GTF2IRD1: variants seen among roughly 807,000 people sequenced by gnomAD.
GTF2IRD1 encodes the protein GTF2I repeat domain containing 1.
A neutral mutation model predicts 113.2 loss-of-function variants in GTF2IRD1; 26 were observed. The observed-to-expected ratio is 0.23, with a 90% CI of 0.17 to 0.32. GTF2IRD1 has a LOEUF of 0.32. Among genes scored for constraint, GTF2IRD1 ranks in the 10% least tolerant of loss-of-function variants. GTF2IRD1 has a pLI of 1.00. For synonymous variants in GTF2IRD1, 484 were observed against 529.1 expected (o/e 0.91, Z 1.17); for missense variants, 864 against 1,280.8 (o/e 0.67, Z 4.97).
At chr7:74,601,380 C>T in intron 26 of GTF2IRD1, 200 bp downstream of exon 26, 2 of 1,509,362 alleles carry the variant, frequency 1.3e-6, no homozygotes, top group African/African-American at 2.8e-5. Flanking sequence ...GTGGGGTACT[C>T]ACAGGCACTC....
intron 1 of GTF2IRD1, among the ~76,000 whole-genome samples, chr7:74,471,902 G>A (rs1794134097): frequency 6.6e-6 from 1 of 152,112 alleles, no homozygotes; most frequent in African/African-American, 2.4e-5. Flanking sequence ...TGAGGCAGGA[G>A]AATTGCTTGA....
intron 22 of GTF2IRD1, among the ~76,000 whole-genome samples, chr7:74,566,562 G>A (rs1278422844): frequency 2.6e-5 from 4 of 152,094 alleles, no homozygotes; most frequent in South Asian, 4.1e-4. Flanking sequence ...GGCTGGTCTC[G>A]AACTCCTGAC....
At chr7:74,591,412 T>TCTC (rs1471519109) in intron 24 of GTF2IRD1, among the ~76,000 whole-genome samples, 1 of 143,988 alleles carries the variant, frequency 6.9e-6, no homozygotes, top group African/African-American at 2.6e-5. Context: ...AGAGTCTTGC[T>TCTC]CTGTCACCCA....
intron 15 of GTF2IRD1, 105 bp from the exon 16 acceptor site, chr7:74,545,639 A>G (rs1583848468): frequency 1.6e-6 from 1 of 612,050 alleles, no homozygotes; most frequent in African/African-American, 2.0e-5. Flanking sequence ...GCCTTCCCCC[A>G]TTCCAAGATC....
intron 2 of GTF2IRD1, among the ~76,000 whole-genome samples, chr7:74,510,519 G>C (rs925031763): frequency 2.0e-5 from 3 of 151,320 alleles, no homozygotes; most frequent in Non-Finnish European, 4.4e-5. Context: ...ATGTTGGCCA[G>C]GCTGGTCTCA....
At chr7:74,543,984 G>A (rs1554352462) in intron 14 of GTF2IRD1, among the ~76,000 whole-genome samples, 1 of 151,998 alleles carries the variant, frequency 6.6e-6, no homozygotes. Flanking sequence ...AAGAGGTTGA[G>A]GCTGTAGTGA....
intron 22 of GTF2IRD1, among the ~76,000 whole-genome samples, chr7:74,561,399 C>G (rs1554359048): frequency 6.8e-6 from 1 of 147,180 alleles, no homozygotes; most frequent in African/African-American, 2.5e-5. Context: ...CGGCTGCTGA[C>G]AGGCCACGGG....
chr7:74,518,337 C>CG lies in GTF2IRD1; in HGVS notation c.605+17dup. The CG allele has an allele frequency of 1.3e-6, 2 of 1,565,398 alleles. No homozygotes were observed. Among genetic ancestry groups the CG allele is most frequent in the South Asian group, 2.3e-5 (2 of 86,954 alleles). On this transcript the variant is annotated intron_variant, in intron 5 of 26. Transcript: ENST00000424337. ...AAGCTCAAGAGGTGAGTGAGGTAGC[C>CG]GGCCCGGGGCTGGGCTGGGGCTGGG...
At chr7:74,507,472 G>A (rs782324159) in intron 1 of GTF2IRD1, 3 of 152,200 alleles carry the variant, frequency 2.0e-5, no homozygotes, top group Admixed American at 6.6e-5. Context: ...ACTCTGTCTC[G>A]AAATAAAATT....
intron 14 of GTF2IRD1, among the ~76,000 whole-genome samples, chr7:74,542,527 G>T (rs1408234030): frequency 1.3e-5 from 2 of 152,356 alleles, no homozygotes; most frequent in South Asian, 2.1e-4. Flanking sequence ...AACAAGGGTA[G>T]AGCAAAACAG....
Position 74,559,634 on chromosome 7 carries a change from C to G in GTF2IRD1, c.2299C>G (p.Gln767Glu). The change falls in exon 22 of 27, where the codon CAA becomes GAA. Residue 767 changes from glutamine to glutamate, a missense_variant. Coordinates refer to ENST00000424337, the MANE Select transcript of GTF2IRD1 (RefSeq NM_005685.4). ...CCTCTGTTTCTCTTCTAGGCCTTTC[C>G]AAGGACTCATCCCAAAGCCTGGTAA... is the stretch of plus-strand genomic sequence containing the variant. ...KIKFTVTRPF[Q>E]GLIPKPDEDD... 1 of 1,596,586 alleles carries G rather than the reference C, an allele frequency of 6.3e-7. No individual in the cohort carries two copies. Among genetic ancestry groups the G allele is most frequent in the East Asian group, 2.2e-5 (1 of 44,528 alleles).
At chr7:74,534,094 G>C (rs587769879) in intron 9 of GTF2IRD1, among the ~76,000 whole-genome samples, 1 of 152,082 alleles carries the variant, frequency 6.6e-6, no homozygotes, top group East Asian at 1.9e-4. Flanking sequence ...GCTCTGCTCT[G>C]TGCCGTCCTG....
chr7:74,525,429 A>G (rs1797543035), intron 8 of GTF2IRD1, among the ~76,000 whole-genome samples: 1 of 152,114 alleles, frequency 6.6e-6, no homozygotes, highest in Non-Finnish European at 1.5e-5. Context: ...TCAGGCTCAT[A>G]GCAGATGTCA....
intron 4 of GTF2IRD1, 141 bp downstream of exon 4, chr7:74,515,737 C>G: frequency 1.5e-6 from 1 of 672,406 alleles, no homozygotes; most frequent in South Asian, 1.9e-5. Context: ...CTGGCTACCC[C>G]AGCCCTTCCT....
At chr7:74,474,643 A>G (rs1794301750) in intron 1 of GTF2IRD1, among the ~76,000 whole-genome samples, 1 of 152,184 alleles carries the variant, frequency 6.6e-6, no homozygotes, top group Admixed American at 6.5e-5. Flanking sequence ...CTGAGCCTCT[A>G]CATCCTCATC....
At chr7:74,591,193 A>AT (rs1437587417) in intron 24 of GTF2IRD1, among the ~76,000 whole-genome samples, 176 bp downstream of exon 24, 3 of 151,700 alleles carry the variant, frequency 2.0e-5, no homozygotes, top group African/African-American at 2.4e-5. Flanking sequence ...ATTTTTAAAG[A>AT]TTATTTTTTA....
At chr7:74,517,425 ACCTTT>A (rs1348973336) in intron 4 of GTF2IRD1, among the ~76,000 whole-genome samples, 19,265 of 85,682 alleles carry the variant, frequency 0.22, 1,573 homozygotes, top group Middle Eastern at 0.34. Flanking sequence ...TCCTCCCTAC[ACCTTT>A]TTTTTTTTTT....
intron 22 of GTF2IRD1, among the ~76,000 whole-genome samples, chr7:74,588,106 CTT>C (rs781908698): frequency 3.0e-5 from 4 of 134,984 alleles, no homozygotes; most frequent in Non-Finnish European, 3.2e-5. Flanking sequence ...CTTTTCTTTT[CTT>C]TTTTTTTTTT....
At chr7:74,504,046 A>G (rs1267592568) in intron 1 of GTF2IRD1, among the ~76,000 whole-genome samples, 1 of 152,216 alleles carries the variant, frequency 6.6e-6, no homozygotes, top group Non-Finnish European at 1.5e-5. Context: ...TGCGTAGGAT[A>G]ATGATGTCCA....
Sources: allele counts gnomAD v4.1 joint callset (sites outside exome capture counted in the v4.1 genomes callset), GRCh38; gene constraint gnomAD v4.1.1; transcripts MANE v1.5; gene names NCBI Gene and HGNC (gene_info 2026-07-23, HGNC 2026-07-21).